Variants in DIP2B observed in about 807,000 individuals in gnomAD.
The protein encoded by DIP2B is DIP2 acetate--CoA ligase B (putative).
A neutral mutation model predicts 198.0 loss-of-function variants in DIP2B; 76 were observed. That is an observed-to-expected ratio of 0.38 (90% CI 0.32 to 0.46). DIP2B has a LOEUF of 0.46. Among genes scored for constraint, DIP2B ranks in the 20% least tolerant of loss-of-function variants. The pLI, the probability that DIP2B is intolerant of heterozygous loss-of-function variation, is 0.99. For missense variants in DIP2B, 1,559 were observed against 1,978.4 expected, an observed-to-expected ratio of 0.79 and a Z score of 4.02; for synonymous variants, 701 against 739.1, an observed-to-expected ratio of 0.95 and a Z score of 0.84.
intron 22 of DIP2B, among the ~76,000 whole-genome samples, chr12:50,711,509 G>C (rs1359019326): frequency 6.6e-6 from 1 of 152,132 alleles, no homozygotes; most frequent in African/African-American, 2.4e-5. Context: ...ATAGTCTGAG[G>C]ATTGTGATTT....
chr12:50,686,634 C>G lies in DIP2B; in HGVS notation c.1503C>G (p.Asp501Glu), dbSNP rs1436695309. Residue 501 changes from aspartate to glutamate, a missense_variant, in exon 12 of 38, where the codon GAC becomes GAG. Asp to Glu is a conservative substitution (Grantham distance 45). Coordinates refer to ENST00000301180, the MANE Select transcript of DIP2B (RefSeq NM_173602.3). Reference protein sequence around the residue: ...DSKYLSKPPKDWQPHISPAGT... With the variant: ...DSKYLSKPPKEWQPHISPAGT... ...AGTACCTTTCAAAGCCACCGAAAGA[C>G]TGGCAGCCACACATCTCACCTGCTG... 2 of 1,614,128 alleles carry G rather than the reference C, an allele frequency of 1.2e-6. No individual in the cohort carries two copies. Among genetic ancestry groups the G allele is most frequent in the Non-Finnish European group, 1.7e-6 (2 of 1,180,020 alleles).
At chr12:50,657,701 A>G (rs982808263) in intron 3 of DIP2B, among the ~76,000 whole-genome samples, 1 of 152,214 alleles carries the variant, frequency 6.6e-6, no homozygotes, top group African/African-American at 2.4e-5. Flanking sequence ...GAAATTAATT[A>G]TAAGGAAATA....
chr12:50,713,228 T>A (rs1034123309), intron 22 of DIP2B, among the ~76,000 whole-genome samples: 2 of 152,194 alleles, frequency 1.3e-5, no homozygotes, highest in Non-Finnish European at 2.9e-5. Flanking sequence ...GATTACAGAC[T>A]TGAGTCACCA....
At chr12:50,513,347 A>C (rs1310642371) in intron 1 of DIP2B, among the ~76,000 whole-genome samples, 1 of 152,202 alleles carries the variant, frequency 6.6e-6, no homozygotes. Flanking sequence ...TGACTAGAGC[A>C]GAAGACTTGC....
chr12:50,663,325 G>C (rs905511075), intron 4 of DIP2B, among the ~76,000 whole-genome samples: 1 of 151,734 alleles, frequency 6.6e-6, no homozygotes, highest in Non-Finnish European at 1.5e-5. Flanking sequence ...TTGGGAGGCC[G>C]AGGCGGGTGG....
chr12:50,660,166 T>G, intron 3 of DIP2B, 28 bp from the exon 4 acceptor site: 1 of 1,587,702 alleles, frequency 6.3e-7, no homozygotes, highest in Non-Finnish European at 8.6e-7. Flanking sequence ...AGCCGGAAGC[T>G]AATAAATGCA....
At chr12:50,623,523 ACACACG>A (rs1252581734) in intron 1 of DIP2B, among the ~76,000 whole-genome samples, 5 of 142,410 alleles carry the variant, frequency 3.5e-5, no homozygotes, top group African/African-American at 1.0e-4. Flanking sequence ...ACACACACAC[ACACACG>A]CACACACACA....
chr12:50,628,472 C>T (rs1937979392), intron 2 of DIP2B, among the ~76,000 whole-genome samples: 1 of 152,170 alleles, frequency 6.6e-6, no homozygotes, highest in South Asian at 2.1e-4. Context: ...TGCAGCAATT[C>T]TAAATGCTGT....
At chr12:50,611,693 G>A (rs928949082) in intron 1 of DIP2B, among the ~76,000 whole-genome samples, 1 of 151,824 alleles carries the variant, frequency 6.6e-6, no homozygotes, top group East Asian at 1.9e-4. Context: ...CCCTTCAGTC[G>A]CTCTTTCACC....
chr12:50,666,193 A>G (rs896859175), intron 4 of DIP2B, among the ~76,000 whole-genome samples: 3 of 152,230 alleles, frequency 2.0e-5, no homozygotes, highest in Non-Finnish European at 1.5e-5. Context: ...TTGTTTCAAT[A>G]CCTGATTGTA....
intron 32 of DIP2B, among the ~76,000 whole-genome samples, chr12:50,733,116 G>A (rs375408477): frequency 6.6e-6 from 1 of 151,984 alleles, no homozygotes; most frequent in East Asian, 1.9e-4. Flanking sequence ...CTGTTGACCA[G>A]GCTGGTCTCA....
chr12:50,528,325 G>C (rs1241857837), intron 1 of DIP2B, among the ~76,000 whole-genome samples: 2 of 150,842 alleles, frequency 1.3e-5, no homozygotes, highest in Non-Finnish European at 2.9e-5. Flanking sequence ...ATTGATGTGA[G>C]CACTGAATCA....
intron 26 of DIP2B, among the ~76,000 whole-genome samples, chr12:50,722,547 C>A (rs533438635): frequency 2.0e-5 from 3 of 152,296 alleles, no homozygotes; most frequent in Admixed American, 1.3e-4. Context: ...TGCCACCATG[C>A]CTGGCTCATT....
At chr12:50,663,738 T>C (rs2139515302) in intron 4 of DIP2B, among the ~76,000 whole-genome samples, 1 of 150,696 alleles carries the variant, frequency 6.6e-6, no homozygotes, top group Admixed American at 6.6e-5. Flanking sequence ...ACTGTGGTAG[T>C]GCATGTCTGT....
intron 22 of DIP2B, among the ~76,000 whole-genome samples, chr12:50,709,568 G>T (rs1328519136): frequency 6.6e-6 from 1 of 151,904 alleles, no homozygotes; most frequent in Non-Finnish European, 1.5e-5. Flanking sequence ...AACCCAGGAG[G>T]CGGAGCTTGC....
intron 1 of DIP2B, among the ~76,000 whole-genome samples, chr12:50,615,446 C>T (rs796137710): frequency 2.0e-5 from 3 of 152,018 alleles, no homozygotes; most frequent in South Asian, 2.1e-4. Context: ...TCTTTTAGGC[C>T]CTTAGCATCC....
At chr12:50,640,411 T>C (rs1938234881) in intron 2 of DIP2B, among the ~76,000 whole-genome samples, 1 of 152,178 alleles carries the variant, frequency 6.6e-6, no homozygotes, top group South Asian at 2.1e-4. Flanking sequence ...CTGTTTAGGA[T>C]TGGGGATCAT....
At chr12:50,669,367 G>A (rs1938810204) in intron 4 of DIP2B, among the ~76,000 whole-genome samples, 1 of 152,160 alleles carries the variant, frequency 6.6e-6, no homozygotes, top group Non-Finnish European at 1.5e-5. Flanking sequence ...GAAATAATAA[G>A]TTGGAGGTAG....
chr12:50,664,917 C>T (rs1048278321), intron 4 of DIP2B, among the ~76,000 whole-genome samples: 6 of 126,462 alleles, frequency 4.7e-5, no homozygotes, highest in African/African-American at 1.5e-4. Flanking sequence ...GGCTCAATCA[C>T]AATTCACTGC....
Sources: gnomAD v4.1 joint callset for allele counts (sites outside exome capture counted in the v4.1 genomes callset) on GRCh38, gnomAD v4.1.1 for gene constraint, MANE v1.5 for transcripts, NCBI Gene and HGNC (gene_info 2026-07-23, HGNC 2026-07-21) for gene names.